RHBDD1: variants seen among roughly 807,000 people sequenced by gnomAD.
RHBDD1 encodes rhomboid domain containing 1.
Under a neutral mutation model 36.3 loss-of-function variants are expected in RHBDD1, and 38 were observed. The observed-to-expected ratio is 1.05, with a 90% CI of 0.81 to 1.37. The LOEUF (loss-of-function observed/expected upper bound fraction) is 1.37. Ranked by LOEUF, RHBDD1 falls within the 40% of genes most tolerant of loss-of-function variation. RHBDD1 has a pLI of 0.00. For synonymous variants in RHBDD1, 151 were observed against 136.5 expected (o/e 1.11, Z -0.74); for missense variants, 393 against 377.6 (o/e 1.04, Z -0.34).
intron 8 of RHBDD1, among the ~76,000 whole-genome samples, chr2:226,920,795 T>C (rs1469037717): frequency 6.6e-6 from 1 of 152,168 alleles, no homozygotes; most frequent in African/African-American, 2.4e-5. Context: ...TTTGCATCAA[T>C]GTTCATCAGG....
chr2:226,964,696 C>T (rs1313984804), intron 8 of RHBDD1, among the ~76,000 whole-genome samples: 1 of 152,220 alleles, frequency 6.6e-6, no homozygotes, highest in Non-Finnish European at 1.5e-5. Flanking sequence ...CTTTGCAACT[C>T]ATTCCTTTTG....
chr2:226,813,960 T>A, the RHBDD1 span, among the ~76,000 whole-genome samples: 3 of 152,214 alleles, frequency 2.0e-5, no homozygotes, highest in African/African-American at 7.2e-5. Context: ...TAACCTATTT[T>A]ATTTTTCTTA....
At chr2:226,859,652 T>C (rs1426043280) in intron 3 of RHBDD1, among the ~76,000 whole-genome samples, 1 of 152,222 alleles carries the variant, frequency 6.6e-6, no homozygotes, top group African/African-American at 2.4e-5. Flanking sequence ...CCATTTATAC[T>C]ATAATCCTGG....
chr2:226,948,577 A>AT (rs1472354923), intron 8 of RHBDD1, among the ~76,000 whole-genome samples: 4 of 124,544 alleles, frequency 3.2e-5, no homozygotes, highest in African/African-American at 1.0e-4. Flanking sequence ...AAAAAAAAAA[A>AT]AAAAAAAACG....
chr2:226,863,903 G>A (rs1944084831), intron 3 of RHBDD1, among the ~76,000 whole-genome samples: 1 of 152,074 alleles, frequency 6.6e-6, no homozygotes, highest in Admixed American at 6.5e-5. Context: ...ACCACCTCAG[G>A]CTGTGTTGTG....
intron 5 of RHBDD1, among the ~76,000 whole-genome samples, chr2:226,904,949 T>C (rs1458442331): frequency 6.6e-6 from 1 of 152,138 alleles, no homozygotes; most frequent in Non-Finnish European, 1.5e-5. Flanking sequence ...GGTGAAACGG[T>C]CCTGGCACAC....
intron 8 of RHBDD1, among the ~76,000 whole-genome samples, chr2:226,918,086 T>G (rs1452415635): frequency 6.6e-6 from 1 of 152,028 alleles, no homozygotes; most frequent in Non-Finnish European, 1.5e-5. Flanking sequence ...TAACATATAA[T>G]CCAAAGACTT....
At position 226,865,075 on chromosome 2, in the gene RHBDD1, G is replaced by A. The variant is rs35327472; in HGVS notation, c.382G>A (p.Glu128Lys). The A allele has an allele frequency of 1.1e-3, 1,847 of 1,614,076 alleles. 19 individuals carry two copies. The African/African-American group carries it at 0.02, about 18-fold the overall frequency. ...VYLLLQFAVA[E>K]FMDEPDFKRS... ...CCTGCTCTTGCAATTTGCTGTTGCC[G>A]AATTTATGGATGAACCTGACTTCAA... Residue 128 changes from glutamate to lysine, a missense_variant, in exon 4 of 9, where the codon GAA (glutamate) becomes AAA (lysine). Transcript: ENST00000392062.
upstream of RHBDD1, among the ~76,000 whole-genome samples, chr2:226,831,850 C>T (rs1353305647): frequency 6.6e-6 from 1 of 151,946 alleles, no homozygotes; most frequent in Non-Finnish European, 1.5e-5. Context: ...TTTACAGTCT[C>T]TTACAATCCT....
chr2:226,828,029 G>C, the RHBDD1 span, among the ~76,000 whole-genome samples: 1 of 152,276 alleles, frequency 6.6e-6, no homozygotes, highest in South Asian at 2.1e-4. Context: ...TAAATTTATA[G>C]TGTTAATAAA....
intron 8 of RHBDD1, among the ~76,000 whole-genome samples, chr2:226,964,436 G>A (rs1292105802): frequency 2.6e-5 from 4 of 151,828 alleles, no homozygotes; most frequent in South Asian, 2.1e-4. Context: ...ATATGGTCTG[G>A]TCTCTTTCCT....
At chr2:226,974,814 C>T (rs1037850555) in intron 8 of RHBDD1, among the ~76,000 whole-genome samples, 13 of 152,158 alleles carry the variant, frequency 8.5e-5, no homozygotes, top group African/African-American at 2.4e-4. Flanking sequence ...ACAGTGCTCA[C>T]GGTGTCATCG....
chr2:226,924,190 G>T (rs1949516547), intron 8 of RHBDD1, among the ~76,000 whole-genome samples: 1 of 152,112 alleles, frequency 6.6e-6, no homozygotes, highest in African/African-American at 2.4e-5. Flanking sequence ...TACCACAGTG[G>T]CCTATTCAGG....
At chr2:226,851,016 C>T (rs1006278593) in intron 3 of RHBDD1, among the ~76,000 whole-genome samples, 1 of 152,126 alleles carries the variant, frequency 6.6e-6, no homozygotes, top group African/African-American at 2.4e-5. Flanking sequence ...AACTTAACTC[C>T]TTTGAAACAA....
intron 8 of RHBDD1, among the ~76,000 whole-genome samples, chr2:226,933,396 C>T (rs987510598): frequency 6.6e-5 from 10 of 152,106 alleles, no homozygotes; most frequent in African/African-American, 1.2e-4. Context: ...TCTCCCTAGT[C>T]TCTCTTGTGA....
At chr2:226,880,923 A>G (rs1203344468) in intron 5 of RHBDD1, among the ~76,000 whole-genome samples, 1 of 152,218 alleles carries the variant, frequency 6.6e-6, no homozygotes, top group Non-Finnish European at 1.5e-5. Flanking sequence ...CAAATATATG[A>G]TGAAGAACCC....
At chr2:226,976,466 C>T (rs930404920) in intron 8 of RHBDD1, among the ~76,000 whole-genome samples, 1 of 152,012 alleles carries the variant, frequency 6.6e-6, no homozygotes, top group Non-Finnish European at 1.5e-5. Context: ...GCTTTACCCA[C>T]GCCTCCTTAC....
intron 8 of RHBDD1, chr2:226,988,480 G>C: frequency 6.5e-7 from 1 of 1,543,712 alleles, no homozygotes; most frequent in Non-Finnish European, 8.7e-7. Context: ...TCCCTGTAGT[G>C]GAGTTGAGCA....
At chr2:226,858,851 T>C (rs1282613750) in intron 3 of RHBDD1, among the ~76,000 whole-genome samples, 2 of 152,196 alleles carry the variant, frequency 1.3e-5, no homozygotes, top group East Asian at 1.9e-4. Context: ...GCCACAACCT[T>C]GATATAGTAC....
Sources: gnomAD v4.1 joint callset for allele counts (sites outside exome capture counted in the v4.1 genomes callset) on GRCh38, gnomAD v4.1.1 for gene constraint, MANE v1.5 for transcripts, NCBI Gene and HGNC (gene_info 2026-07-23, HGNC 2026-07-21) for gene names.